SYNE2: variants seen among roughly 807,000 people sequenced by gnomAD.
The protein encoded by SYNE2 is spectrin repeat containing nuclear envelope protein 2.
SYNE2 carries 431 observed loss-of-function variants against 856.3 expected under a neutral mutation model. The observed-to-expected ratio is 0.50, with a 90% CI of 0.47 to 0.55. SYNE2 has a LOEUF of 0.55. Among genes scored for constraint, SYNE2 ranks in the 20% least tolerant of loss-of-function variants. The pLI, the probability that SYNE2 is intolerant of heterozygous loss-of-function variation, is 0.00. For missense variants in SYNE2, 8,129 were observed against 8,023.2 expected (o/e 1.01, Z -0.50); for synonymous variants, 2,923 against 2,872.3 (o/e 1.02, Z -0.56).
intron 99 of SYNE2, among the ~76,000 whole-genome samples, chr14:64,193,595 T>C (rs1286124712): frequency 2.0e-5 from 3 of 152,058 alleles, no homozygotes; most frequent in Non-Finnish European, 4.4e-5. Flanking sequence ...TACCCGGCCT[T>C]GTTACTGCAA....
At position 64,219,191 on chromosome 14, in the gene SYNE2, C is replaced by T. The variant is rs774446624; in HGVS notation, c.19658-17C>T. The T allele has an allele frequency of 1.9e-5, 30 of 1,561,788 alleles. No homozygotes were observed. In the East Asian group the frequency reaches 3.1e-4, roughly 16 times the overall value. ...TTGCATTATTGCTTTTTTTAATTGG[C>T]GATTTTTTAATTCCAGGTGCCTTCG... On this transcript the variant is annotated splice_polypyrimidine_tract_variant and intron_variant, in intron 109 of 115. Coordinates refer to ENST00000555002, the MANE Select transcript of SYNE2 (RefSeq NM_182914.3).
intron 76 of SYNE2, among the ~76,000 whole-genome samples, chr14:64,131,641 G>A (rs1321954239): frequency 1.3e-5 from 2 of 152,056 alleles, no homozygotes; most frequent in Non-Finnish European, 2.9e-5. Flanking sequence ...GAGTGCAGTG[G>A]TGTAATCATA....
chr14:63,995,315 C>T (rs1380075404), intron 23 of SYNE2, 113 bp downstream of exon 23: 3 of 857,702 alleles, frequency 3.5e-6, no homozygotes, highest in East Asian at 2.7e-5. Context: ...CCCTAGCCCT[C>T]CTCTCCCCGG....
At chr14:63,827,277 C>CAA (rs397960370) in intron 1 of SYNE2, among the ~76,000 whole-genome samples, 5,106 of 128,848 alleles carry the variant, frequency 0.04, 200 homozygotes, top group African/African-American at 0.1. Context: ...GACTCTGTCT[C>CAA]AAAAAAAAAA....
intron 10 of SYNE2, among the ~76,000 whole-genome samples, chr14:63,966,058 C>T (rs2096386831): frequency 6.6e-6 from 1 of 152,130 alleles, no homozygotes; most frequent in Admixed American, 6.5e-5. Context: ...GTCAATAATT[C>T]TGGATAATGT....
chr14:63,788,635 T>G (rs976260894), intron 1 of SYNE2, among the ~76,000 whole-genome samples: 13 of 152,144 alleles, frequency 8.5e-5, no homozygotes, highest in Non-Finnish European at 1.8e-4. Flanking sequence ...AGCTCCCGCC[T>G]TAACTCAGAA....
At chr14:63,937,080 T>G (rs959438886) in intron 2 of SYNE2, among the ~76,000 whole-genome samples, 1 of 152,066 alleles carries the variant, frequency 6.6e-6, no homozygotes, top group African/African-American at 2.4e-5. Flanking sequence ...GGATGAAGGT[T>G]GAGAATAGAC....
chr14:64,119,392 A>G, intron 66 of SYNE2, 35 bp from the exon 67 acceptor site: 14 of 1,612,916 alleles, frequency 8.7e-6, no homozygotes, highest in Non-Finnish European at 1.2e-5. Context: ...CTTCAAGAAC[A>G]ACATTATGAA....
chr14:63,943,757 G>T (rs928651226), intron 6 of SYNE2, among the ~76,000 whole-genome samples: 1 of 151,138 alleles, frequency 6.6e-6, no homozygotes, highest in Non-Finnish European at 1.5e-5. Context: ...TGCAACCTCC[G>T]CCTCCTGGGT....
At position 64,216,272 on chromosome 14, in the gene SYNE2, C is replaced by T. The variant is rs777723556; in HGVS notation, c.19427C>T (p.Ser6476Leu). The T allele has an allele frequency of 4.3e-6, 7 of 1,614,198 alleles. No individual in the cohort carries two copies. The highest frequency in any genetic ancestry group is 2.7e-5 in the African/African-American group (2 of 75,036). Residue 6476 changes from serine (S) to leucine (L), a missense_variant, in exon 108 of 116, where the codon TCG (serine) becomes TTG (leucine). This residue lies in a region of SYNE2 where 5,410 missense variants were observed against 5,284.8 expected (regional missense o/e 1.02). Transcript: ENST00000555002. The part of the protein sequence containing the change: ...SSGKSISDGH[S>L]WHVPDSPSCP... ...GGTAAATCCATTTCGGATGGCCACTCGTGGCATGTTCCCGACAGCCCTTCC... is the reference window on the plus strand; with the variant it reads ...GGTAAATCCATTTCGGATGGCCACTTGTGGCATGTTCCCGACAGCCCTTCC...
chr14:64,172,325 G>A (rs563580570), intron 94 of SYNE2, among the ~76,000 whole-genome samples: 2 of 152,316 alleles, frequency 1.3e-5, no homozygotes, highest in Non-Finnish European at 2.9e-5. Flanking sequence ...TCAGGCAGTT[G>A]CAGTCAGATG....
At chr14:64,058,000 A>G (rs2884159) in intron 49 of SYNE2, among the ~76,000 whole-genome samples, 5 of 152,134 alleles carry the variant, frequency 3.3e-5, no homozygotes, top group African/African-American at 9.7e-5. Flanking sequence ...TGAGCTCCCT[A>G]TACATTCTGG....
chr14:64,167,268 T>C lies in SYNE2; in HGVS notation c.16641T>C (p.Asp5547=), dbSNP rs767615577. The change falls in exon 91 of 116, where the codon GAT becomes GAC. Residue 5547 remains aspartate (D), a synonymous_variant. Coordinates refer to ENST00000555002, the MANE Select transcript of SYNE2 (RefSeq NM_182914.3). The part of the protein sequence containing the change: ...HVLALTAQSP[D]IEHLNEVSLK... ...TGGCACTGACAGCCCAATCACCTGATATTGAACATTTGAATGAAGTGAGCC... is the reference window on the plus strand; with the variant it reads ...TGGCACTGACAGCCCAATCACCTGACATTGAACATTTGAATGAAGTGAGCC... 24 of 1,614,088 alleles carry C rather than the reference T, an allele frequency of 1.5e-5. No homozygotes were observed. In the Admixed American group the frequency reaches 3.5e-4, roughly 24 times the overall value.
At chr14:64,109,675 G>C (rs981620063) in intron 65 of SYNE2, among the ~76,000 whole-genome samples, 4 of 152,228 alleles carry the variant, frequency 2.6e-5, no homozygotes. Flanking sequence ...TACTACAGGA[G>C]GAATTTGTCC....
At position 64,126,821 on chromosome 14, in the gene SYNE2, C is replaced by T. The variant is rs2097950663; in HGVS notation, c.13917+14C>T. Reference sequence around the variant, plus strand: ...CGCAGTTACCAGGTATGATTCCGAGCACACAGCCTATTTTGGCACTGTTTT... The same window carrying T: ...CGCAGTTACCAGGTATGATTCCGAGTACACAGCCTATTTTGGCACTGTTTT... On this transcript the variant is annotated intron_variant, in intron 73 of 115. Coordinates refer to ENST00000555002, the MANE Select transcript of SYNE2 (RefSeq NM_182914.3). 1 of 1,607,496 alleles carries T rather than the reference C, an allele frequency of 6.2e-7. No individual in the cohort carries two copies. The highest frequency in any genetic ancestry group is 1.3e-5 in the African/African-American group (1 of 74,930).
chr14:64,165,517 TA>T, intron 90 of SYNE2, 107 bp downstream of exon 90: 3 of 1,315,946 alleles, frequency 2.3e-6, no homozygotes, highest in Non-Finnish European at 3.2e-6. Flanking sequence ...AACTCACTCT[TA>T]TTTTTTTTTT....
At chr14:64,136,850 C>T (rs1219684877) in intron 78 of SYNE2, among the ~76,000 whole-genome samples, 1 of 152,028 alleles carries the variant, frequency 6.6e-6, no homozygotes, top group Non-Finnish European at 1.5e-5. Context: ...GAAGTGCTTT[C>T]GGGGGCAGAA....
chr14:63,871,373 T>C (rs927656773), intron 1 of SYNE2, among the ~76,000 whole-genome samples: 1 of 151,812 alleles, frequency 6.6e-6, no homozygotes. Flanking sequence ...GCCCGGCTAA[T>C]TTTTTTGTAT....
intron 17 of SYNE2, among the ~76,000 whole-genome samples, chr14:63,983,008 A>G (rs2096598332): frequency 1.3e-5 from 2 of 152,154 alleles, no homozygotes; most frequent in Non-Finnish European, 2.9e-5. Context: ...GCCCTACACA[A>G]CCATGAATCC....
Sources: gnomAD v4.1 joint callset for allele counts (sites outside exome capture counted in the v4.1 genomes callset) on GRCh38, gnomAD v4.1.1 for gene constraint, gnomAD v4.1.1 regional missense constraint, MANE v1.5 for transcripts, NCBI Gene and HGNC (gene_info 2026-07-23, HGNC 2026-07-21) for gene names.